DOCK1: variants seen among roughly 807,000 people sequenced by gnomAD.
DOCK1 encodes the protein dedicator of cytokinesis protein 1.
A neutral mutation model predicts 262.7 loss-of-function variants in DOCK1; 138 were observed. The ratio of observed to expected loss-of-function variants is 0.53; its 90% CI spans 0.46 to 0.61. DOCK1 has a LOEUF of 0.61. Ranked by LOEUF, DOCK1 falls within the 20% of genes least tolerant of loss-of-function variation. DOCK1 has a pLI of 0.00. For synonymous variants in DOCK1, 866 were observed against 867.4 expected, an observed-to-expected ratio of 1.00 and a Z score of 0.03; for missense variants, 1,908 against 2,370.7, an observed-to-expected ratio of 0.80 and a Z score of 4.05.
intron 31 of DOCK1, among the ~76,000 whole-genome samples, chr10:127,348,890 A>C (rs963169812): frequency 6.6e-6 from 1 of 152,246 alleles, no homozygotes; most frequent in African/African-American, 2.4e-5. Flanking sequence ...CCTGATTATA[A>C]CAGGAGATAC....
At chr10:126,945,098 A>G (rs2035293405) in intron 1 of DOCK1, among the ~76,000 whole-genome samples, 1 of 152,226 alleles carries the variant, frequency 6.6e-6, no homozygotes, top group Non-Finnish European at 1.5e-5. Context: ...CGGCCTCCCA[A>G]AGTGCTGGGA....
At chr10:127,257,482 T>G in intron 29 of DOCK1, 53 bp downstream of exon 29, 1 of 1,506,190 alleles carries the variant, frequency 6.6e-7, no homozygotes, top group Admixed American at 1.9e-5. Context: ...AATTCATGTC[T>G]GCTGGGAACA....
At chr10:127,359,143 C>CA (rs60352979) in intron 32 of DOCK1, among the ~76,000 whole-genome samples, 6,204 of 142,484 alleles carry the variant, frequency 0.044, 256 homozygotes, top group East Asian at 0.11. Flanking sequence ...ATGCAAATGT[C>CA]AAAAAAAAAA....
At chr10:127,251,370 C>CT (rs779699949) in intron 28 of DOCK1, among the ~76,000 whole-genome samples, 77 of 150,134 alleles carry the variant, frequency 5.1e-4, no homozygotes, top group Non-Finnish European at 1.0e-3. Flanking sequence ...AAACACTTTC[C>CT]ATTTTTTTTT....
chr10:127,411,229 G>A (rs1046198843), intron 43 of DOCK1, among the ~76,000 whole-genome samples: 1 of 152,152 alleles, frequency 6.6e-6, no homozygotes, highest in Non-Finnish European at 1.5e-5. Flanking sequence ...GAGAGCAGGT[G>A]CCTGTCATCT....
chr10:127,196,492 C>T (rs2057161756), intron 27 of DOCK1, among the ~76,000 whole-genome samples: 1 of 148,318 alleles, frequency 6.7e-6, no homozygotes, highest in South Asian at 2.1e-4. Context: ...TGCTCCAGGT[C>T]CCAGCTACTC....
intron 27 of DOCK1, among the ~76,000 whole-genome samples, chr10:127,214,195 T>A (rs1276034059): frequency 2.0e-5 from 3 of 151,994 alleles, no homozygotes; most frequent in African/African-American, 7.3e-5. Context: ...AGAGAAGAAA[T>A]ACATATGTAG....
At chr10:127,066,292 C>T (rs376721752) in intron 23 of DOCK1, among the ~76,000 whole-genome samples, 16 of 152,158 alleles carry the variant, frequency 1.1e-4, no homozygotes, top group Non-Finnish European at 1.8e-4. Context: ...GCTACTGTGA[C>T]TGTGGTTTCA....
chr10:126,916,915 TGTGAG>T (rs2032561458), intron 1 of DOCK1, among the ~76,000 whole-genome samples: 1 of 148,482 alleles, frequency 6.7e-6, no homozygotes, highest in African/African-American at 2.5e-5. Context: ...GTGGGAGCTG[TGTGAG>T]GCCAGCGGTG....
chr10:127,286,739 A>G (rs2061166922), intron 29 of DOCK1, among the ~76,000 whole-genome samples: 1 of 152,140 alleles, frequency 6.6e-6, no homozygotes, highest in Non-Finnish European at 1.5e-5. Flanking sequence ...TCCTTAGAAA[A>G]TGTTGTTTTA....
rs2071000408 is a variant in DOCK1 at position 127,452,044 on chromosome 10, C to T, written c.*617C>T. On this transcript the variant is annotated 3_prime_UTR_variant, in exon 52 of 52. Coordinates refer to ENST00000623213, the MANE Select transcript of DOCK1 (RefSeq NM_001290223.2). ...TTACTAATTTATGGGGTGGAAACAG[C>T]ATTAAGAATACTGAATCAAATGGAA... 6.6e-6 allele frequency: 1 copy of T among 152,652 alleles called. No homozygotes were observed. Among genetic ancestry groups the T allele is most frequent in the Non-Finnish European group, 1.5e-5 (1 of 68,086 alleles). The allele number at this position is 152,652 out of a possible 1,614,324, so 9.5% of individuals were successfully genotyped here.
At chr10:127,167,820 C>G (rs2054221154) in intron 27 of DOCK1, among the ~76,000 whole-genome samples, 12 of 151,978 alleles carry the variant, frequency 7.9e-5, no homozygotes, top group Admixed American at 7.9e-4. Flanking sequence ...CCACCACCCC[C>G]CATCCCCAAA....
chr10:126,990,395 A>T, intron 5 of DOCK1, 60 bp from the exon 6 acceptor site: 1 of 1,510,922 alleles, frequency 6.6e-7, no homozygotes, highest in East Asian at 2.4e-5. Flanking sequence ...GCCATTCTCT[A>T]CCATCTCCAC....
intron 48 of DOCK1, among the ~76,000 whole-genome samples, chr10:127,438,561 G>A (rs1021807373): frequency 5.3e-5 from 8 of 152,166 alleles, no homozygotes; most frequent in African/African-American, 1.9e-4. Flanking sequence ...GCCATGCAAA[G>A]TGCTTTCACC....
intron 28 of DOCK1, among the ~76,000 whole-genome samples, chr10:127,248,909 C>T (rs11016924): frequency 0.033 from 4,954 of 152,190 alleles, 256 homozygotes; most frequent in African/African-American, 0.11. Flanking sequence ...AGAGTACGAA[C>T]GCTATTGTGA....
chr10:127,056,973 C>T (rs879926987), intron 22 of DOCK1, among the ~76,000 whole-genome samples: 7 of 152,162 alleles, frequency 4.6e-5, no homozygotes, highest in Admixed American at 2.0e-4. Flanking sequence ...CTCCCCATCC[C>T]ACCCCTGCTC....
At chr10:127,019,880 C>T (rs2042290950) in intron 13 of DOCK1, among the ~76,000 whole-genome samples, 1 of 152,202 alleles carries the variant, frequency 6.6e-6, no homozygotes, top group Non-Finnish European at 1.5e-5. Context: ...GACAAACTCC[C>T]CCATATTCAA....
intron 16 of DOCK1, among the ~76,000 whole-genome samples, chr10:127,027,693 A>G (rs2042963879): frequency 6.6e-6 from 1 of 152,124 alleles, no homozygotes; most frequent in Admixed American, 6.5e-5. Context: ...CCTGGTATGG[A>G]TAGGGGCTCC....
chr10:127,429,181 T>A (rs1394602593), intron 47 of DOCK1, among the ~76,000 whole-genome samples: 2 of 152,052 alleles, frequency 1.3e-5, no homozygotes, highest in African/African-American at 4.8e-5. Flanking sequence ...TCCCCACCCT[T>A]CTCTGTAGCA....
Sources: allele counts gnomAD v4.1 joint callset (sites outside exome capture counted in the v4.1 genomes callset), GRCh38; gene constraint gnomAD v4.1.1; transcripts MANE v1.5; gene names NCBI Gene and HGNC (gene_info 2026-07-23, HGNC 2026-07-21).